SPEF2: variants seen among roughly 807,000 people sequenced by gnomAD.
SPEF2 encodes the protein sperm flagellar and cilia associated 2, also known as sperm flagella and cilia-associated protein 2.
In SPEF2, 187 loss-of-function variants were observed where a neutral mutation model predicts 224.6. The ratio of observed to expected loss-of-function variants is 0.83; its 90% CI spans 0.74 to 0.94. The LOEUF (loss-of-function observed/expected upper bound fraction) is 0.94, where lower values mean the gene tolerates loss of function less well. Ranked by LOEUF, SPEF2 falls within the 40% of genes least tolerant of loss-of-function variation. The pLI is 0.00. For synonymous variants in SPEF2, 715 were observed against 707.3 expected (o/e 1.01, Z -0.17); for missense variants, 2,170 against 2,135.6 (o/e 1.02, Z -0.32).
intron 7 of SPEF2, among the ~76,000 whole-genome samples, chr5:35,655,946 T>G (rs1323177054): frequency 6.6e-6 from 1 of 152,192 alleles, no homozygotes; most frequent in African/African-American, 2.4e-5. Flanking sequence ...TTGCTGTAAT[T>G]CAGGTAAGAG....
intron 7 of SPEF2, among the ~76,000 whole-genome samples, chr5:35,655,816 T>C (rs1299253415): frequency 6.6e-6 from 1 of 152,176 alleles, no homozygotes; most frequent in African/African-American, 2.4e-5. Flanking sequence ...TAGGAGATTT[T>C]GTGATTTCCT....
intron 21 of SPEF2, among the ~76,000 whole-genome samples, chr5:35,732,785 T>C (rs1451691109): frequency 6.6e-6 from 1 of 152,218 alleles, no homozygotes; most frequent in Non-Finnish European, 1.5e-5. Context: ...TTGCCCCTTA[T>C]TTGCAGTTTC....
chr5:35,692,303 C>G (rs1367052216), intron 11 of SPEF2, among the ~76,000 whole-genome samples: 1 of 152,040 alleles, frequency 6.6e-6, no homozygotes, highest in Non-Finnish European at 1.5e-5. Context: ...CCCAGCTACT[C>G]AGGAGGCTGA....
intron 24 of SPEF2, among the ~76,000 whole-genome samples, chr5:35,757,089 T>TGTTTTTAATAACTATTAAAAATATG (rs1750564542): frequency 6.6e-6 from 1 of 152,038 alleles, no homozygotes; most frequent in Non-Finnish European, 1.5e-5. Flanking sequence ...TTAAAAATAT[T>TGTTTTTAATAACTATTAAAAATATG]GTTTACTAGT....
chr5:35,653,890 T>A (rs1207679677), intron 6 of SPEF2, among the ~76,000 whole-genome samples: 4 of 135,200 alleles, frequency 3.0e-5, no homozygotes, highest in Non-Finnish European at 4.6e-5. Context: ...GAGGTTGCAG[T>A]AAGCCGAGAT....
intron 26 of SPEF2, among the ~76,000 whole-genome samples, chr5:35,768,870 T>G (rs1358396546): frequency 6.6e-6 from 1 of 152,106 alleles, no homozygotes; most frequent in African/African-American, 2.4e-5. Flanking sequence ...TGAGAGCACT[T>G]TAACACAGGC....
In SPEF2 at chr5:35,814,003, T is replaced by TC. The variant is rs561996406; in HGVS notation, c.5380-461_5380-460insC. Among the ~76,000 whole-genome samples the TC allele has an allele frequency of 2.4e-4, 36 of 152,122 alleles. No homozygotes were observed. In the South Asian group the frequency reaches 5.6e-3, roughly 24 times the overall value. ...CAGGTCATTCTTTCCCTGATGTTTTTACAATGAAAGAATGAGACAATTTCA... is the reference window on the plus strand; with the variant it reads ...CAGGTCATTCTTTCCCTGATGTTTTTCACAATGAAAGAATGAGACAATTTCA... On this transcript the variant is annotated intron_variant, in intron 36 of 36. Transcript: ENST00000356031.
At chr5:35,724,133 T>C (rs998056055) in intron 20 of SPEF2, among the ~76,000 whole-genome samples, 1 of 152,150 alleles carries the variant, frequency 6.6e-6, no homozygotes, top group Non-Finnish European at 1.5e-5. Flanking sequence ...GATGAGGAAA[T>C]TGAGAGTCAA....
intron 21 of SPEF2, among the ~76,000 whole-genome samples, chr5:35,739,122 G>A (rs188494026): frequency 1.1e-3 from 166 of 152,076 alleles, no homozygotes; most frequent in African/African-American, 3.7e-3. Flanking sequence ...TTTGAATTTT[G>A]AATTTCAAAA....
At chr5:35,753,481 G>A (rs920959739) in intron 23 of SPEF2, 143 bp from the exon 24 acceptor site, 1 of 1,038,594 alleles carries the variant, frequency 9.6e-7, no homozygotes, top group Non-Finnish European at 1.4e-6. Context: ...GGTTGAATGA[G>A]CACATACAAT....
chr5:35,704,586 GAT>G lies in SPEF2; in HGVS notation c.2434_2435del (p.Ile812GlnfsTer7), dbSNP rs760213403. On this transcript the variant is annotated frameshift_variant, in exon 17 of 37. Transcript: ENST00000356031. LOFTEE classifies it high-confidence loss of function. The stretch of plus-strand genomic sequence containing the variant: ...ATTGTCCTATAAAACTGCTCACGAA[GAT>G]ATCAGTCAACGTGTAGCTGCTGAAA... The part of the protein sequence containing the change: ...EELSYKTAHE[D>X]ISQRVAAENQ... 2 of 1,612,640 alleles carry G rather than the reference GAT, an allele frequency of 1.2e-6. No homozygotes were observed. Among genetic ancestry groups the G allele is most frequent in the South Asian group, 2.2e-5 (2 of 90,874 alleles).
At chr5:35,707,709 G>A (rs553760897) in intron 18 of SPEF2, among the ~76,000 whole-genome samples, 1 of 152,264 alleles carries the variant, frequency 6.6e-6, no homozygotes, top group South Asian at 2.1e-4. Context: ...TGGGAGCCTA[G>A]AAAGACTCCA....
chr5:35,668,961 A>G (rs1158304933), intron 9 of SPEF2, among the ~76,000 whole-genome samples: 1 of 152,070 alleles, frequency 6.6e-6, no homozygotes, highest in African/African-American at 2.4e-5. Flanking sequence ...GGAGAAAGCA[A>G]AAAGGAGAAG....
chr5:35,807,564 C>T, intron 36 of SPEF2: 1 of 1,332,690 alleles, frequency 7.5e-7, no homozygotes, highest in Non-Finnish European at 1.0e-6. Flanking sequence ...AAGATTCCTC[C>T]TGCCAAAGAG....
At chr5:35,676,503 C>A (rs12655110) in intron 10 of SPEF2, among the ~76,000 whole-genome samples, 18,803 of 152,042 alleles carry the variant, frequency 0.12, 1,711 homozygotes, top group East Asian at 0.38. Context: ...CCAAGGCAGG[C>A]AGATCACTTG....
chr5:35,807,955 A>G, intron 36 of SPEF2: 1 of 1,381,798 alleles, frequency 7.2e-7, no homozygotes, highest in Non-Finnish European at 9.4e-7. Flanking sequence ...TTTAACACGA[A>G]GTCTCCCTGT....
intron 26 of SPEF2, among the ~76,000 whole-genome samples, chr5:35,765,450 T>C (rs562532691): frequency 2.0e-5 from 3 of 152,312 alleles, no homozygotes; most frequent in Non-Finnish European, 4.4e-5. Context: ...TGGGTATACA[T>C]CTAGCAATGT....
At position 35,803,161 on chromosome 5, in the gene SPEF2, A is replaced by G. The variant is rs145252136; in HGVS notation, c.5010+3014A>G. ...GTGAAATGAATGGAGTTTAGTCTCC[A>G]TGGTAGAGAGGAGGAAAGCAGACAT... On this transcript the variant is annotated intron_variant, in intron 34 of 36. Transcript: ENST00000356031. Among the ~76,000 whole-genome samples, 382 of 152,312 alleles carry G rather than the reference A, an allele frequency of 2.5e-3. 2 individuals are homozygous for G. Among genetic ancestry groups the G allele is most frequent in the African/African-American group, 8.9e-3 (369 of 41,566 alleles).
intron 19 of SPEF2, among the ~76,000 whole-genome samples, chr5:35,712,332 C>T (rs1741325726): frequency 6.6e-6 from 1 of 152,012 alleles, no homozygotes; most frequent in Non-Finnish European, 1.5e-5. Context: ...TGGGCTCAAG[C>T]CATCCTCTAG....
Sources: allele counts gnomAD v4.1 joint callset (sites outside exome capture counted in the v4.1 genomes callset), GRCh38; gene constraint gnomAD v4.1.1; transcripts MANE v1.5; gene names NCBI Gene and HGNC (gene_info 2026-07-23, HGNC 2026-07-21).